Variants in GNS observed in about 807,000 individuals in gnomAD.
The protein encoded by GNS is glucosamine (N-acetyl)-6-sulfatase, also known as N-acetylglucosamine-6-sulfatase.
A neutral mutation model predicts 69.7 loss-of-function variants in GNS; 40 were observed. That is an observed-to-expected ratio of 0.57 (90% CI 0.45 to 0.75). GNS has a LOEUF of 0.75. GNS is among the 30% of genes least tolerant of loss of function. The pLI is 0.00. For synonymous variants in GNS, 243 were observed against 251.6 expected (o/e 0.97, Z 0.32); for missense variants, 565 against 685.5 (o/e 0.82, Z 1.96).
intron 8 of GNS, among the ~76,000 whole-genome samples, chr12:64,737,433 T>G (rs1365587677): frequency 6.6e-6 from 1 of 152,184 alleles, no homozygotes; most frequent in Non-Finnish European, 1.5e-5. Flanking sequence ...TGAATGAAGT[T>G]TACTCCAAAA....
At chr12:64,745,918 G>A in intron 3 of GNS, 194 bp from the exon 4 acceptor site, 1 of 592,792 alleles carries the variant, frequency 1.7e-6, no homozygotes. Flanking sequence ...GCAAACTACA[G>A]CCAGTGAGCC....
At chr12:64,754,113 G>A (rs571198234) in intron 1 of GNS, among the ~76,000 whole-genome samples, 15 of 152,232 alleles carry the variant, frequency 9.9e-5, no homozygotes, top group Non-Finnish European at 1.3e-4. Flanking sequence ...GTAAGACTGT[G>A]TAATAACATT....
In GNS at chr12:64,721,603, C is replaced by A; in HGVS notation, c.1411G>T (p.Asp471Tyr). The A allele has an allele frequency of 6.7e-7, 1 of 1,494,892 alleles. No individual in the cohort carries two copies. Among genetic ancestry groups the A allele is most frequent in the South Asian group, 1.1e-5 (1 of 88,680 alleles). 92.6% of individuals were successfully genotyped at this position (1,494,892 alleles called of 1,614,324 possible). The change falls in exon 12 of 14, where the codon GAC becomes TAC. Residue 471 changes from aspartate to tyrosine, a missense_variant. Asp to Tyr is a radical substitution (Grantham distance 160, BLOSUM62 -3). Coordinates refer to ENST00000258145, the MANE Select transcript of GNS (RefSeq NM_002076.4). Reference sequence around the variant, plus strand: ...GCAGAAGTCCCTCTTACCTCCTGGTCATCAAACTCGCAATACTGCAAATTC... The same window carrying A: ...GCAGAAGTCCCTCTTACCTCCTGGTAATCAAACTCGCAATACTGCAAATTC... ...LWNLQYCEFD[D>Y]QEVFVEVYNL...
intron 1 of GNS, chr12:64,752,970 G>C: frequency 1.7e-6 from 1 of 584,754 alleles, no homozygotes; most frequent in Non-Finnish European, 3.0e-6. Context: ...CAAAATGCTT[G>C]CAGGAAGGGA....
chr12:64,727,351 C>T (rs952615262), intron 10 of GNS, among the ~76,000 whole-genome samples: 5 of 98,612 alleles, frequency 5.1e-5, no homozygotes, highest in African/African-American at 2.1e-4. Flanking sequence ...TGGGAGGATC[C>T]TCTGAGCGTA....
chr12:64,739,728 A>C (rs182124898), intron 7 of GNS, among the ~76,000 whole-genome samples: 2 of 152,348 alleles, frequency 1.3e-5, no homozygotes, highest in East Asian at 3.9e-4. Flanking sequence ...AACAGATTAG[A>C]AAATTCCAGA....
chr12:64,752,597 G>A, intron 2 of GNS, 101 bp downstream of exon 2: 1 of 717,464 alleles, frequency 1.4e-6, no homozygotes, highest in Non-Finnish European at 2.5e-6. Context: ...ATTTAACAAG[G>A]AAAAAACCAC....
intron 6 of GNS, among the ~76,000 whole-genome samples, chr12:64,742,605 T>C (rs983040592): frequency 7.9e-5 from 12 of 152,208 alleles, no homozygotes; most frequent in Non-Finnish European, 1.5e-4. Context: ...CCTGAGGCAA[T>C]GCAGGCCTTC....
chr12:64,743,055 C>A, intron 6 of GNS, 86 bp downstream of exon 6: 1 of 1,027,848 alleles, frequency 9.7e-7, no homozygotes, highest in South Asian at 1.3e-5. Context: ...GAAAAACCCA[C>A]TACATGGCTC....
intron 9 of GNS, among the ~76,000 whole-genome samples, chr12:64,736,354 G>C (rs1869555135): frequency 6.6e-6 from 1 of 152,224 alleles, no homozygotes; most frequent in African/African-American, 2.4e-5. Context: ...TCATAAGGAA[G>C]AGCCCAGCAC....
chr12:64,750,887 T>G (rs891612561), intron 2 of GNS, among the ~76,000 whole-genome samples: 4 of 151,978 alleles, frequency 2.6e-5, no homozygotes, highest in African/African-American at 9.7e-5. Context: ...ACATGGGCGG[T>G]AGAGTGAGAC....
Position 64,745,723 on chromosome 12 carries a change from T to C in GNS, c.461A>G (p.Tyr154Cys). ...TAGTCCACCTGCATCTGGGGCTCCG[T>C]ACTGAAAAGCAAAACAAGTAGGGAC... ...TFFAGKYLNE[Y>C]GAPDAGGLEH... The change falls in exon 4 of 14, where the codon TAC (tyrosine) becomes TGC (cysteine). Residue 154 changes from tyrosine to cysteine, a missense_variant and splice_region_variant. This residue lies in a region of GNS where 384 missense variants were observed against 511.0 expected (regional missense o/e 0.75). Coordinates refer to ENST00000258145, the MANE Select transcript of GNS (RefSeq NM_002076.4). The C allele has an allele frequency of 6.3e-7, 1 of 1,598,020 alleles. No individual in the cohort carries two copies. The highest frequency in any genetic ancestry group is 8.6e-7 in the Non-Finnish European group (1 of 1,165,276).
chr12:64,758,569 C>T (rs191900869), intron 1 of GNS, among the ~76,000 whole-genome samples: 69 of 152,096 alleles, frequency 4.5e-4, no homozygotes, highest in African/African-American at 1.6e-3. Flanking sequence ...CTGATCCGCC[C>T]GCCTCGGCCT....
intron 9 of GNS, among the ~76,000 whole-genome samples, chr12:64,736,682 T>C (rs995585568): frequency 2.0e-5 from 3 of 152,252 alleles, no homozygotes; most frequent in Non-Finnish European, 2.9e-5. Flanking sequence ...ACCATTTTTC[T>C]TCTTCAGTTT....
At chr12:64,720,857 CCTCA>C (rs1385314551) in intron 12 of GNS, among the ~76,000 whole-genome samples, 1 of 152,106 alleles carries the variant, frequency 6.6e-6, no homozygotes, top group Non-Finnish European at 1.5e-5. Context: ...AGGTAGCTGC[CCTCA>C]CTCACACAAT....
chr12:64,757,738 T>TTTCTA (rs749399238), intron 1 of GNS, among the ~76,000 whole-genome samples: 35 of 152,292 alleles, frequency 2.3e-4, no homozygotes, highest in Non-Finnish European at 3.8e-4. Context: ...ACATGGACCT[T>TTTCTA]TTCTATTCTA....
At chr12:64,732,894 C>T (rs998484246) in intron 9 of GNS, among the ~76,000 whole-genome samples, 1 of 152,194 alleles carries the variant, frequency 6.6e-6, no homozygotes, top group Admixed American at 6.5e-5. Flanking sequence ...CCACCATGCC[C>T]AGACAAAAAA....
At chr12:64,737,985 A>C (rs1454041128) in intron 8 of GNS, among the ~76,000 whole-genome samples, 1 of 152,026 alleles carries the variant, frequency 6.6e-6, no homozygotes, top group Non-Finnish European at 1.5e-5. Flanking sequence ...ACAAGAACTA[A>C]AGGTAGTATG....
chr12:64,733,689 C>G (rs911297689), intron 9 of GNS, among the ~76,000 whole-genome samples: 3 of 152,184 alleles, frequency 2.0e-5, no homozygotes, highest in Non-Finnish European at 4.4e-5. Context: ...TTAACATCCT[C>G]TTACTTTTAC....
Sources: allele counts gnomAD v4.1 joint callset (sites outside exome capture counted in the v4.1 genomes callset), GRCh38; gene constraint gnomAD v4.1.1; regional missense constraint gnomAD v4.1.1; transcripts MANE v1.5; gene names NCBI Gene and HGNC (gene_info 2026-07-23, HGNC 2026-07-21).